Variants in ABRACL observed in about 807,000 individuals in gnomAD.
ABRACL encodes costars family protein ABRACL.
Under a neutral mutation model 7.0 loss-of-function variants are expected in ABRACL, and 4 were observed. The observed-to-expected ratio is 0.57, with a 90% confidence interval of 0.28 to 1.30. The LOEUF is 1.30. Among genes scored for constraint, ABRACL ranks in the 50% most tolerant of loss-of-function variants. The pLI is 0.10. For missense variants in ABRACL, 104 were observed against 97.3 expected (o/e 1.07, Z -0.29); for synonymous variants, 30 against 36.0 (o/e 0.83, Z 0.60).
In ABRACL at chr6:139,042,471, A is replaced by G. The variant is rs898694757; in HGVS notation, c.62-248A>G. 2.6e-5 allele frequency among the ~76,000 whole-genome samples: 4 copies of G among 152,366 alleles called. No individual in the cohort carries two copies. The South Asian group carries it at 8.3e-4, about 32-fold the overall frequency. On this transcript the variant is annotated intron_variant, in intron 2 of 2. Coordinates refer to ENST00000367660, the MANE Select transcript of ABRACL (RefSeq NM_021243.3). ...GCAGTATTAGCACTGTAGCACATTC[A>G]ACTTTTGTAAATGTTGGTTCTCAGT...
chr6:139,042,720 T>A lies in ABRACL; in HGVS notation c.63T>A (p.Asn21Lys). 1 of 1,609,814 alleles carries A rather than the reference T, an allele frequency of 6.2e-7. No homozygotes were observed. The highest frequency in any genetic ancestry group is 8.5e-7 in the Non-Finnish European group (1 of 1,177,862). Residue 21 changes from asparagine (N) to lysine (K), a missense_variant and splice_region_variant, in exon 3 of 3, where the codon AAT becomes AAA. By Grantham distance (94) the Asn-to-Lys change is moderately conservative (BLOSUM62 0). Transcript: ENST00000367660. ...VEEIHRLGSK[N>K]ADGKLSVKFG... Reference sequence around the variant, plus strand: ...TAACAATGTATTTTCTCAAACTAGATGCTGATGGAAAGTTAAGCGTGAAAT... The same window carrying A: ...TAACAATGTATTTTCTCAAACTAGAAGCTGATGGAAAGTTAAGCGTGAAAT...
At chr6:139,035,767 G>A (rs1786145821) in intron 2 of ABRACL, among the ~76,000 whole-genome samples, 2 of 151,000 alleles carry the variant, frequency 1.3e-5, no homozygotes, top group South Asian at 4.2e-4. Context: ...ACAGGTGTGA[G>A]CCACCACACC....
intron 2 of ABRACL, chr6:139,034,522 T>C (rs1786126477): frequency 3.6e-6 from 4 of 1,126,420 alleles, no homozygotes; most frequent in Non-Finnish European, 4.8e-6. Context: ...AATTGAATCA[T>C]GTTCAAATTT....
intron 2 of ABRACL, among the ~76,000 whole-genome samples, chr6:139,039,397 G>A (rs536408547): frequency 1.2e-4 from 19 of 152,102 alleles, no homozygotes; most frequent in African/African-American, 4.6e-4. Context: ...AAAATACATC[G>A]AACAGTTCTG....
intron 2 of ABRACL, among the ~76,000 whole-genome samples, chr6:139,040,873 G>T (rs1201700856): frequency 6.6e-6 from 1 of 152,134 alleles, no homozygotes; most frequent in Non-Finnish European, 1.5e-5. Flanking sequence ...CTCCCCATTT[G>T]TCTCAGTCAC....
Position 139,028,858 on chromosome 6 carries a change from G to C in ABRACL, c.-24G>C, listed in dbSNP as rs1487040490. On this transcript the variant is annotated 5_prime_UTR_variant, in exon 1 of 3. Transcript: ENST00000367660. ...CGCGGCGCCAGTTCTCCGGCGGGAA[G>C]GAAAACCGCGCAGAGAGGTGCGTGA... The C allele has an allele frequency of 1.3e-5, 2 of 152,552 alleles. No individual in the cohort carries two copies. Among genetic ancestry groups the C allele is most frequent in the African/African-American group, 4.8e-5 (2 of 41,482 alleles). The allele number at this position is 152,552 out of a possible 1,614,324, so 9.4% of individuals were successfully genotyped here. A position where few individuals can be genotyped will look rare whatever the true frequency, so the allele number is the denominator to read the frequency against.
intron 2 of ABRACL, among the ~76,000 whole-genome samples, chr6:139,038,361 T>C (rs1786196256): frequency 1.3e-5 from 2 of 152,246 alleles, no homozygotes; most frequent in Admixed American, 1.3e-4. Context: ...CAGGATACCT[T>C]GACTTTCTCA....
chr6:139,031,904 G>A (rs990040220), intron 1 of ABRACL, among the ~76,000 whole-genome samples: 2 of 152,016 alleles, frequency 1.3e-5, no homozygotes, highest in African/African-American at 4.8e-5. Context: ...ATGGGAAATG[G>A]GTGCTGGGCA....
Position 139,034,045 on chromosome 6 carries a change from T to G in ABRACL, c.-6-110T>G. Reference sequence around the variant, plus strand: ...AATATTTTTAGGAAAAGGAACATGGTAAATTAATAGTGACAGACGCGACCT... The same window carrying G: ...AATATTTTTAGGAAAAGGAACATGGGAAATTAATAGTGACAGACGCGACCT... On this transcript the variant is annotated intron_variant, in intron 1 of 2. Transcript: ENST00000367660. 5 of 1,379,450 alleles carry G rather than the reference T, an allele frequency of 3.6e-6. No individual in the cohort carries two copies. In the South Asian group the frequency reaches 6.5e-5, roughly 18 times the overall value. The allele number at this position is 1,379,450 out of a possible 1,614,324, so 85.5% of individuals were successfully genotyped here. A position where few individuals can be genotyped will look rare whatever the true frequency, so the allele number is the denominator to read the frequency against.
At chr6:139,031,531 T>C (rs899864900) in intron 1 of ABRACL, among the ~76,000 whole-genome samples, 8 of 152,152 alleles carry the variant, frequency 5.3e-5, no homozygotes, top group African/African-American at 1.7e-4. Context: ...AAGATACCGG[T>C]TCATGTAGTT....
Position 139,042,983 on chromosome 6 carries a change from A to T in ABRACL, c.*80A>T. ...ATAAAGTGAAAGAACAAACATTTGA[A>T]CATACTTAATGTATTTTTATAGAAC... On this transcript the variant is annotated 3_prime_UTR_variant, in exon 3 of 3. Coordinates refer to ENST00000367660, the MANE Select transcript of ABRACL (RefSeq NM_021243.3). 1 of 1,210,044 alleles carries T rather than the reference A, an allele frequency of 8.3e-7. No individual in the cohort carries two copies. The highest frequency in any genetic ancestry group is 1.7e-5 in the South Asian group (1 of 58,644). 75.0% of individuals were successfully genotyped at this position (1,210,044 alleles called of 1,614,324 possible). A position where few individuals can be genotyped will look rare whatever the true frequency, so the allele number is the denominator to read the frequency against.
At chr6:139,036,301 G>C (rs1052000418) in intron 2 of ABRACL, among the ~76,000 whole-genome samples, 1 of 152,012 alleles carries the variant, frequency 6.6e-6, no homozygotes, top group Non-Finnish European at 1.5e-5. Flanking sequence ...AGATAATCTA[G>C]GATACCTTCC....
At position 139,042,788 on chromosome 6, in the gene ABRACL, A is replaced by G; in HGVS notation, c.131A>G (p.Glu44Gly). Residue 44 changes from glutamate (E) to glycine (G), a missense_variant, in exon 3 of 3, where the codon GAA becomes GGA. Transcript: ENST00000367660. ...FRDDKCANLFEALVGTLKAAK... is the reference protein window; with the variant it reads ...FRDDKCANLFGALVGTLKAAK... ...GATGATAAATGTGCCAACCTCTTTGAAGCATTGGTAGGAACTCTTAAAGCT... is the reference window on the plus strand; with the variant it reads ...GATGATAAATGTGCCAACCTCTTTGGAGCATTGGTAGGAACTCTTAAAGCT... 1 of 1,614,062 alleles carries G rather than the reference A, an allele frequency of 6.2e-7. No individual in the cohort carries two copies. Among genetic ancestry groups the G allele is most frequent in the Non-Finnish European group, 8.5e-7 (1 of 1,179,972 alleles).
At chr6:139,041,445 C>A (rs1490897412) in intron 2 of ABRACL, among the ~76,000 whole-genome samples, 42 of 69,078 alleles carry the variant, frequency 6.1e-4, no homozygotes, top group African/African-American at 1.6e-3. Context: ...CTCTCTCTCT[C>A]TCTCTCTATA....
intron 2 of ABRACL, among the ~76,000 whole-genome samples, chr6:139,042,190 A>G (rs530285129): frequency 6.6e-6 from 1 of 152,292 alleles, no homozygotes; most frequent in African/African-American, 2.4e-5. Context: ...TCCAAATAAG[A>G]TAATCTAGGG....
At chr6:139,038,580 G>A (rs902511264) in intron 2 of ABRACL, among the ~76,000 whole-genome samples, 3 of 152,120 alleles carry the variant, frequency 2.0e-5, no homozygotes, top group Non-Finnish European at 4.4e-5. Flanking sequence ...TTCATATAGC[G>A]AAAAAAGATT....
chr6:139,038,494 G>C (rs1465146253), intron 2 of ABRACL, among the ~76,000 whole-genome samples: 1 of 152,192 alleles, frequency 6.6e-6, no homozygotes, highest in Non-Finnish European at 1.5e-5. Context: ...TACATATGAT[G>C]TATGAGCTGA....
In ABRACL at chr6:139,031,104, A is replaced by G. The variant is rs144544289; in HGVS notation, c.-7+2229A>G. On this transcript the variant is annotated intron_variant, in intron 1 of 2. Coordinates refer to ENST00000367660, the MANE Select transcript of ABRACL (RefSeq NM_021243.3). ...CGAAGAAGGGTGTTAAAGAGATAAC[A>G]TCTTTCCGGGGTCGGGAATCAGAGA... Among the ~76,000 whole-genome samples the G allele has an allele frequency of 1.0e-3, 155 of 152,330 alleles. No individual in the cohort carries two copies. The Middle Eastern group carries it at 0.017, about 17-fold the overall frequency.
Position 139,034,413 on chromosome 6 carries a change from A to G in ABRACL, c.61+192A>G, listed in dbSNP as rs1412995698. On this transcript the variant is annotated intron_variant, in intron 2 of 2. Coordinates refer to ENST00000367660, the MANE Select transcript of ABRACL (RefSeq NM_021243.3). ...TCTGGAGACACGGGGCTTTTGGGGT[A>G]TTGTGATTCTGATGCAGGGAATAGT... The G allele has an allele frequency of 2.0e-6, 3 of 1,531,632 alleles. No individual in the cohort carries two copies. In the Admixed American group the frequency reaches 6.2e-5, roughly 32 times the overall value. 94.9% of individuals were successfully genotyped at this position (1,531,632 alleles called of 1,614,324 possible).
Sources: gnomAD v4.1 joint callset for allele counts (sites outside exome capture counted in the v4.1 genomes callset) on GRCh38, gnomAD v4.1.1 for gene constraint, MANE v1.5 for transcripts, NCBI Gene and HGNC (gene_info 2026-07-23, HGNC 2026-07-21) for gene names.